CFAP54: variants seen among roughly 807,000 people sequenced by gnomAD.
The protein encoded by CFAP54 is cilia and flagella associated protein 54.
Under a neutral mutation model 370.4 loss-of-function variants are expected in CFAP54, and 290 were observed. That is an observed-to-expected ratio of 0.78 (90% confidence interval 0.71 to 0.86). The LOEUF is 0.86. Among genes scored for constraint, CFAP54 ranks in the 40% least tolerant of loss-of-function variants. The probability of loss-of-function intolerance (pLI) is 0.00; values close to 1 mark genes in which losing one functional copy is unlikely to be tolerated. For synonymous variants in CFAP54, 1,206 were observed against 1,236.5 expected, an observed-to-expected ratio of 0.98 and a Z score of 0.52; for missense variants, 3,399 against 3,528.7, an observed-to-expected ratio of 0.96 and a Z score of 0.93.
chr12:96,590,362 C>G (rs1241963396), intron 23 of CFAP54, among the ~76,000 whole-genome samples: 2 of 152,116 alleles, frequency 1.3e-5, no homozygotes, highest in African/African-American at 2.4e-5. Flanking sequence ...CTTAAAAGAA[C>G]AAAGTTTTGA....
At chr12:96,491,856 T>C (rs1319175693) in intron 1 of CFAP54, among the ~76,000 whole-genome samples, 1 of 152,172 alleles carries the variant, frequency 6.6e-6, no homozygotes, top group Non-Finnish European at 1.5e-5. Flanking sequence ...GCCTCCCAGG[T>C]TTAAGCGATT....
intron 50 of CFAP54, among the ~76,000 whole-genome samples, chr12:96,721,214 T>A (rs1957749146): frequency 6.6e-6 from 1 of 152,224 alleles, no homozygotes; most frequent in African/African-American, 2.4e-5. Context: ...TCTAAAACAT[T>A]GACTTAAAAT....
At chr12:96,752,114 G>GAGAGAGAGAGAT (rs1958192263) in intron 55 of CFAP54, among the ~76,000 whole-genome samples, 1 of 150,220 alleles carries the variant, frequency 6.7e-6, no homozygotes, top group Non-Finnish European at 1.5e-5. Flanking sequence ...GAGAGAGAGA[G>GAGAGAGAGAGAT]AGAGAGAGAG....
chr12:96,823,122 CTGTGTGTGTGTGTGTCTGTG>C (rs1200233495), intron 65 of CFAP54, among the ~76,000 whole-genome samples: 1 of 142,094 alleles, frequency 7.0e-6, no homozygotes, highest in Non-Finnish European at 1.6e-5. Flanking sequence ...GTGTGTTTGT[CTGTGTGTGTGTGTGTCTGTG>C]TGTGTGTGTG....
chr12:96,629,592 C>T (rs937988024), intron 30 of CFAP54, among the ~76,000 whole-genome samples: 2 of 151,928 alleles, frequency 1.3e-5, no homozygotes, highest in African/African-American at 2.4e-5. Flanking sequence ...GGATTACAGA[C>T]GTGAGCCACC....
intron 9 of CFAP54, among the ~76,000 whole-genome samples, chr12:96,531,806 C>T (rs1327072857): frequency 6.6e-6 from 1 of 152,206 alleles, no homozygotes; most frequent in East Asian, 1.9e-4. Context: ...CTCACTGCAG[C>T]CTCTGCCTCC....
Position 96,553,991 on chromosome 12 carries a change from G to T in CFAP54, c.2155-191G>T, listed in dbSNP as rs571313978. Among the ~76,000 whole-genome samples, 29 of 152,048 alleles carry T rather than the reference G, an allele frequency of 1.9e-4. No homozygotes were observed. The East Asian group carries it at 5.0e-3, about 26-fold the overall frequency. ...AAAATGGTGAAATTTATTTATTATT[G>T]TCACCCATATTGATAGCACTCCACA... is the stretch of plus-strand genomic sequence containing the variant. On this transcript the variant is annotated intron_variant, in intron 15 of 67. Coordinates refer to ENST00000524981, the MANE Select transcript of CFAP54 (RefSeq NM_001306084.2).
chr12:96,850,899 G>A (rs1055361458), intron 66 of CFAP54, among the ~76,000 whole-genome samples: 13 of 152,080 alleles, frequency 8.5e-5, no homozygotes, highest in Non-Finnish European at 1.5e-4. Flanking sequence ...AACCACCCCC[G>A]TGATCCAATC....
At chr12:96,874,660 C>T (rs1185236210) in intron 67 of CFAP54, among the ~76,000 whole-genome samples, 16 of 104,250 alleles carry the variant, frequency 1.5e-4, no homozygotes, top group South Asian at 9.4e-4. Context: ...GACGGAGTCT[C>T]GCTCTGTCGC....
At chr12:96,839,872 C>T (rs1371778252) in intron 66 of CFAP54, among the ~76,000 whole-genome samples, 2 of 152,148 alleles carry the variant, frequency 1.3e-5, no homozygotes, top group South Asian at 2.1e-4. Context: ...AACTTGTGAC[C>T]TCTCTCTGTG....
chr12:96,663,540 T>C (rs1957020891), intron 38 of CFAP54, among the ~76,000 whole-genome samples: 1 of 152,178 alleles, frequency 6.6e-6, no homozygotes, highest in South Asian at 2.1e-4. Flanking sequence ...ATGGAAGATA[T>C]ATTTAGACCA....
At chr12:96,805,421 G>A (rs2136718081) in intron 63 of CFAP54, among the ~76,000 whole-genome samples, 1 of 151,756 alleles carries the variant, frequency 6.6e-6, no homozygotes, top group Admixed American at 6.6e-5. Context: ...TGGACTAAAA[G>A]CATGAACATA....
At position 96,742,461 on chromosome 12, in the gene CFAP54, G is replaced by A. The variant is rs1990828; in HGVS notation, c.7094G>A (p.Ser2365Asn). ...GTSVTENKDD[S>N]EFLDPISLNA... ...TAGGTCACTGAAAATAAAGATGACA[G>A]TGAGTTTTTAGATCCTATTTCCCTA... The change falls in exon 52 of 68, where the codon AGT (serine) becomes AAT (asparagine). Residue 2365 changes from serine (S) to asparagine (N), a missense_variant. Transcript: ENST00000524981. The A allele has an allele frequency of 0.82, 1,297,538 of 1,581,978 alleles. 534,923 individuals are homozygous for A. Among genetic ancestry groups the A allele is most frequent in the African/African-American group, 0.96 (71,085 of 74,068 alleles).
intron 13 of CFAP54, chr12:96,538,724 G>A (rs1324989187): frequency 1.1e-5 from 6 of 525,948 alleles, no homozygotes; most frequent in Non-Finnish European, 1.6e-5. Context: ...TTCTAATTTT[G>A]TTTGTTGTGA....
chr12:96,864,373 C>A (rs1296746330), intron 67 of CFAP54, among the ~76,000 whole-genome samples: 1 of 152,114 alleles, frequency 6.6e-6, no homozygotes, highest in Non-Finnish European at 1.5e-5. Flanking sequence ...TCCATATCAA[C>A]CTCCAAGAGA....
At chr12:96,682,391 G>A (rs1214215894) in intron 40 of CFAP54, 6 of 811,524 alleles carry the variant, frequency 7.4e-6, no homozygotes, top group Non-Finnish European at 8.9e-6. Context: ...TTTTTGAGAC[G>A]AGGTCTCATT....
At chr12:96,585,423 A>G (rs1452818891) in intron 22 of CFAP54, among the ~76,000 whole-genome samples, 1 of 152,164 alleles carries the variant, frequency 6.6e-6, no homozygotes, top group East Asian at 1.9e-4. Context: ...CTCTTCCCCC[A>G]GAGAGCCATT....
At chr12:96,631,784 A>G (rs1168211447) in intron 32 of CFAP54, among the ~76,000 whole-genome samples, 1 of 150,998 alleles carries the variant, frequency 6.6e-6, no homozygotes. Flanking sequence ...TCTCATAAAT[A>G]AACATTTAAA....
intron 48 of CFAP54, among the ~76,000 whole-genome samples, chr12:96,711,629 T>C (rs1204914190): frequency 2.0e-5 from 3 of 152,224 alleles, no homozygotes; most frequent in South Asian, 2.1e-4. Flanking sequence ...AGACTTGCAG[T>C]ACTGTTCTCA....
Sources: gnomAD v4.1 joint callset for allele counts (sites outside exome capture counted in the v4.1 genomes callset) on GRCh38, gnomAD v4.1.1 for gene constraint, MANE v1.5 for transcripts, NCBI Gene and HGNC (gene_info 2026-07-23, HGNC 2026-07-21) for gene names.